Variants in PDE4D observed in about 807,000 individuals in gnomAD.
PDE4D encodes the protein phosphodiesterase 4D.
In PDE4D, 24 loss-of-function variants were observed where a neutral mutation model predicts 87.4. That is an observed-to-expected ratio of 0.27 (90% CI 0.20 to 0.39). PDE4D has a LOEUF of 0.39. Among genes scored for constraint, PDE4D ranks in the 10% least tolerant of loss-of-function variants. The pLI is 1.00. For synonymous variants in PDE4D, 384 were observed against 383.2 expected (o/e 1.00, Z -0.02); for missense variants, 714 against 1,041.0 (o/e 0.69, Z 4.32).
chr5:59,429,845 C>T (rs958312909), intron 1 of PDE4D, among the ~76,000 whole-genome samples: 4 of 152,078 alleles, frequency 2.6e-5, no homozygotes, highest in African/African-American at 9.7e-5. Context: ...CCCTCCCTAG[C>T]AACTACAGGA....
chr5:59,658,006 G>C (rs2150270799), intron 1 of PDE4D, among the ~76,000 whole-genome samples: 1 of 152,138 alleles, frequency 6.6e-6, no homozygotes, highest in Non-Finnish European at 1.5e-5. Context: ...ACCTCCCTAT[G>C]TAAACTTATA....
At chr5:59,070,464 T>A (rs990754367) in intron 5 of PDE4D, among the ~76,000 whole-genome samples, 8 of 152,196 alleles carry the variant, frequency 5.3e-5, no homozygotes, top group African/African-American at 1.9e-4. Context: ...TACAGTTACT[T>A]CTTAATAGTT....
chr5:60,004,647 A>G (rs1237062832), intron 2 of PDE4D, among the ~76,000 whole-genome samples: 1 of 152,168 alleles, frequency 6.6e-6, no homozygotes, highest in African/African-American at 2.4e-5. Context: ...AACCCATTTT[A>G]AAAATAGGCA....
chr5:59,345,201 T>G (rs544955458), intron 1 of PDE4D, among the ~76,000 whole-genome samples: 1 of 152,308 alleles, frequency 6.6e-6, no homozygotes, highest in East Asian at 1.9e-4. Flanking sequence ...TTACACTGCC[T>G]ATGCATTTAC....
chr5:59,100,676 C>T (rs1419635789), intron 5 of PDE4D, among the ~76,000 whole-genome samples: 1 of 152,172 alleles, frequency 6.6e-6, no homozygotes, highest in African/African-American at 2.4e-5. Flanking sequence ...TTTTCCTAAA[C>T]AGACTTGAAT....
chr5:60,437,754 A>T (rs1457528335), intron 1 of PDE4D, among the ~76,000 whole-genome samples: 1 of 152,138 alleles, frequency 6.6e-6, no homozygotes, highest in South Asian at 2.1e-4. Flanking sequence ...CAGTGCTTCC[A>T]TGGTGAAAGT....
chr5:59,384,291 C>T (rs950021945), intron 1 of PDE4D, among the ~76,000 whole-genome samples: 3 of 152,128 alleles, frequency 2.0e-5, no homozygotes, highest in African/African-American at 7.2e-5. Flanking sequence ...GCTCTCCACC[C>T]TCAGGACACA....
chr5:59,738,161 T>A (rs879534544), intron 1 of PDE4D, among the ~76,000 whole-genome samples: 4 of 152,152 alleles, frequency 2.6e-5, no homozygotes, highest in East Asian at 1.9e-4. Flanking sequence ...AATGTCTCAA[T>A]TTTTTATAGA....
chr5:59,956,785 T>C (rs1340464281), intron 3 of PDE4D, among the ~76,000 whole-genome samples: 2 of 152,310 alleles, frequency 1.3e-5, no homozygotes, highest in South Asian at 2.1e-4. Context: ...TTCCCTGGAA[T>C]CTGAGAGGTG....
intron 2 of PDE4D, among the ~76,000 whole-genome samples, chr5:60,035,018 G>A (rs1767634903): frequency 2.0e-5 from 3 of 152,188 alleles, no homozygotes; most frequent in Admixed American, 2.0e-4. Context: ...CACTTTGGGA[G>A]GCTGAGGCGG....
intron 1 of PDE4D, among the ~76,000 whole-genome samples, chr5:59,482,438 A>G (rs1804437703): frequency 6.6e-6 from 1 of 152,164 alleles, no homozygotes; most frequent in Non-Finnish European, 1.5e-5. Context: ...ACAGTTGTAA[A>G]GTGCTAAAGA....
At chr5:59,425,875 A>G (rs1795127086) in intron 1 of PDE4D, among the ~76,000 whole-genome samples, 2 of 152,258 alleles carry the variant, frequency 1.3e-5, no homozygotes, top group Admixed American at 6.5e-5. Context: ...CATGAGCACA[A>G]TTTGTTATGG....
At chr5:59,228,798 C>T (rs1419404221) in intron 1 of PDE4D, among the ~76,000 whole-genome samples, 3 of 152,134 alleles carry the variant, frequency 2.0e-5, no homozygotes, top group Non-Finnish European at 4.4e-5. Context: ...TTACCTACAT[C>T]TCTCCCTCTT....
At chr5:60,160,330 T>C (rs1194351662) in intron 2 of PDE4D, among the ~76,000 whole-genome samples, 2 of 152,144 alleles carry the variant, frequency 1.3e-5, no homozygotes, top group Non-Finnish European at 2.9e-5. Flanking sequence ...TTGGTACCAC[T>C]AACTCCCGTG....
intron 1 of PDE4D, among the ~76,000 whole-genome samples, chr5:59,621,651 G>A (rs1830368984): frequency 6.6e-6 from 1 of 152,146 alleles, no homozygotes; most frequent in Non-Finnish European, 1.5e-5. Flanking sequence ...GCTTTTCCTG[G>A]GAAGTCTAAG....
chr5:60,368,430 G>T (rs1270542287), intron 1 of PDE4D, among the ~76,000 whole-genome samples: 1 of 152,168 alleles, frequency 6.6e-6, no homozygotes, highest in Admixed American at 6.5e-5. Flanking sequence ...AGGATGTGGG[G>T]GTTAGGGGGA....
chr5:59,564,645 G>T (rs1820587256), intron 1 of PDE4D, among the ~76,000 whole-genome samples: 1 of 152,128 alleles, frequency 6.6e-6, no homozygotes, highest in African/African-American at 2.4e-5. Context: ...GAGAAAACAT[G>T]AATTAATTAA....
intron 1 of PDE4D, among the ~76,000 whole-genome samples, chr5:59,748,043 T>C (rs1759883239): frequency 6.6e-6 from 1 of 152,172 alleles, no homozygotes; most frequent in South Asian, 2.1e-4. Flanking sequence ...TGCCACCACT[T>C]CTTTTCCCAT....
chr5:59,259,936 G>A (rs1761687621), intron 1 of PDE4D, among the ~76,000 whole-genome samples: 1 of 151,764 alleles, frequency 6.6e-6, no homozygotes, highest in African/African-American at 2.4e-5. Flanking sequence ...ATTAGAAACT[G>A]TGAGGATTAT....
Sources: gnomAD v4.1 joint callset for allele counts (sites outside exome capture counted in the v4.1 genomes callset) on GRCh38, gnomAD v4.1.1 for gene constraint, MANE v1.5 for transcripts, NCBI Gene and HGNC (gene_info 2026-07-23, HGNC 2026-07-21) for gene names.